Variants in SCLT1 observed in about 807,000 individuals in gnomAD.
SCLT1 encodes sodium channel and clathrin linker 1.
A neutral mutation model predicts 112.8 loss-of-function variants in SCLT1; 78 were observed. The observed-to-expected ratio is 0.69, with a 90% CI of 0.58 to 0.83. The LOEUF is 0.83. SCLT1 is among the 40% of genes least tolerant of loss of function. SCLT1 has a pLI of 0.00. For synonymous variants in SCLT1, 257 were observed against 254.7 expected (o/e 1.01, Z -0.09); for missense variants, 747 against 770.4 (o/e 0.97, Z 0.36).
At chr4:128,956,926 T>C (rs1739266641) in intron 13 of SCLT1, 100 bp downstream of exon 13, 3 of 650,820 alleles carry the variant, frequency 4.6e-6, no homozygotes, top group Non-Finnish European at 7.9e-6. Flanking sequence ...TATAACTATG[T>C]AGGCAAGTAT....
At chr4:129,016,982 C>T (rs1360059332) in intron 5 of SCLT1, among the ~76,000 whole-genome samples, 1 of 152,090 alleles carries the variant, frequency 6.6e-6, no homozygotes, top group Non-Finnish European at 1.5e-5. Context: ...TTTTACTTTT[C>T]TATTAGTTAA....
chr4:128,926,310 G>GT (rs1736294619), intron 18 of SCLT1, among the ~76,000 whole-genome samples: 2 of 151,944 alleles, frequency 1.3e-5, no homozygotes, highest in African/African-American at 4.8e-5. Flanking sequence ...TATACTCTGG[G>GT]TGTTCAACAA....
In SCLT1 at chr4:129,019,542, T is replaced by C. The variant is rs144980977; in HGVS notation, c.291-15666A>G. ...AGAGAGTCAGACAAATATAGTGGCATATATGCCACTATATGCATATATAAC... is the reference window on the plus strand; with the variant it reads ...AGAGAGTCAGACAAATATAGTGGCACATATGCCACTATATGCATATATAAC... On this transcript the variant is annotated intron_variant, in intron 5 of 20. Transcript: ENST00000281142. Among the ~76,000 whole-genome samples, 248 of 152,254 alleles carry C rather than the reference T, an allele frequency of 1.6e-3. 2 individuals carry two copies. Among genetic ancestry groups the C allele is most frequent in the East Asian group, 0.014 (70 of 5,174 alleles).
intron 2 of SCLT1, among the ~76,000 whole-genome samples, chr4:129,080,018 G>A (rs1751800550): frequency 6.6e-6 from 1 of 152,240 alleles, no homozygotes; most frequent in Admixed American, 6.5e-5. Context: ...TGGAGCTGAA[G>A]CAGCTGGGAC....
chr4:128,959,496 T>C (rs2126013463), intron 12 of SCLT1, 104 bp downstream of exon 12: 2 of 784,634 alleles, frequency 2.5e-6, no homozygotes, highest in Non-Finnish European at 4.2e-6. Flanking sequence ...AGCAATTTCA[T>C]TTTCATGCAT....
intron 4 of SCLT1, among the ~76,000 whole-genome samples, chr4:128,875,877 A>G (rs1365312815): frequency 6.6e-6 from 1 of 152,206 alleles, no homozygotes; most frequent in Non-Finnish European, 1.5e-5. Context: ...GTTTCATTAA[A>G]TGCTTTCTTT....
At chr4:129,032,275 T>C (rs560147931) in intron 5 of SCLT1, among the ~76,000 whole-genome samples, 1 of 152,242 alleles carries the variant, frequency 6.6e-6, no homozygotes, top group Non-Finnish European at 1.5e-5. Flanking sequence ...CCAGGAAAAC[T>C]GGCTAGCCCT....
Position 129,087,190 on chromosome 4 carries a change from C to T in SCLT1, c.35-4817G>A, listed in dbSNP as rs72926087. On this transcript the variant is annotated intron_variant, in intron 1 of 20. Transcript: ENST00000281142. ...GCAGGACAAAGGATAGAAGACTGCA[C>T]AGAGAAAGAACCCTAGGGAATGTGA... is the stretch of plus-strand genomic sequence containing the variant. Among the ~76,000 whole-genome samples, 732 of 152,022 alleles carry T rather than the reference C, an allele frequency of 4.8e-3. 4 individuals carry two copies. The highest frequency in any genetic ancestry group is 0.016 in the African/African-American group (665 of 41,514).
chr4:129,036,775 G>C (rs139589185), intron 5 of SCLT1: 1 of 151,540 alleles, frequency 6.6e-6, no homozygotes, highest in Non-Finnish European at 1.5e-5. Context: ...GGAACAGCAT[G>C]TATTAATTTA....
At chr4:128,881,475 G>A (rs1732639568), downstream of SCLT1, among the ~76,000 whole-genome samples, 1 of 152,108 alleles carries the variant, frequency 6.6e-6, no homozygotes, top group South Asian at 2.1e-4. Context: ...CAATGTTTGG[G>A]GTGGTTATAA....
chr4:128,936,978 T>C (rs1217515448), intron 17 of SCLT1, 127 bp from the exon 18 acceptor site: 5 of 471,666 alleles, frequency 1.1e-5, no homozygotes, highest in Non-Finnish European at 3.6e-6. Context: ...ATGAGAAAAC[T>C]ACGTAAGAAA....
intron 14 of SCLT1, among the ~76,000 whole-genome samples, chr4:128,950,629 T>C (rs1458609002): frequency 6.6e-6 from 1 of 151,958 alleles, no homozygotes; most frequent in Non-Finnish European, 1.5e-5. Flanking sequence ...TCAATACATA[T>C]TAAGAACCAA....
chr4:129,006,802 G>A (rs1744070334), intron 5 of SCLT1, among the ~76,000 whole-genome samples: 1 of 151,970 alleles, frequency 6.6e-6, no homozygotes, highest in Admixed American at 6.5e-5. Flanking sequence ...TATGATTTTG[G>A]GTTTAGATTG....
intron 14 of SCLT1, among the ~76,000 whole-genome samples, chr4:128,949,727 G>C (rs546576667): frequency 6.6e-6 from 1 of 151,352 alleles, no homozygotes; most frequent in South Asian, 2.1e-4. Flanking sequence ...TTTTATGGCT[G>C]TATAGTATTC....
downstream of SCLT1, among the ~76,000 whole-genome samples, chr4:128,882,198 T>TA (rs1491043912): frequency 1.3e-5 from 2 of 152,162 alleles, no homozygotes; most frequent in Non-Finnish European, 2.9e-5. Flanking sequence ...CTAAAATTTT[T>TA]AAAAAACAAA....
intron 18 of SCLT1, among the ~76,000 whole-genome samples, chr4:128,909,787 G>A (rs1256600798): frequency 2.6e-5 from 4 of 152,198 alleles, no homozygotes; most frequent in Non-Finnish European, 4.4e-5. Context: ...TGGGGTGGTT[G>A]TTCAGTGTGA....
chr4:128,898,566 A>C (rs1422726089), intron 18 of SCLT1, among the ~76,000 whole-genome samples: 1 of 152,232 alleles, frequency 6.6e-6, no homozygotes, highest in East Asian at 1.9e-4. Flanking sequence ...CCACAAGAGA[A>C]AGCAGGAAAG....
At chr4:129,054,790 T>C (rs572363815) in intron 2 of SCLT1, among the ~76,000 whole-genome samples, 1 of 152,254 alleles carries the variant, frequency 6.6e-6, no homozygotes, top group South Asian at 2.1e-4. Flanking sequence ...TCTCTGCCCT[T>C]GCAGAAAGGA....
chr4:128,921,981 G>A (rs143507032), intron 18 of SCLT1, among the ~76,000 whole-genome samples: 19 of 152,182 alleles, frequency 1.2e-4, no homozygotes, highest in African/African-American at 3.9e-4. Context: ...TATAAAGTGG[G>A]CAAAGGACAA....
Sources: allele counts gnomAD v4.1 joint callset (sites outside exome capture counted in the v4.1 genomes callset), GRCh38; gene constraint gnomAD v4.1.1; transcripts MANE v1.5; gene names NCBI Gene and HGNC (gene_info 2026-07-23, HGNC 2026-07-21).